Variants in CALD1 observed in about 807,000 individuals in gnomAD.
CALD1 encodes the protein caldesmon.
In CALD1, 33 loss-of-function variants were observed where a neutral mutation model predicts 99.9. The observed-to-expected ratio is 0.33, with a 90% CI of 0.25 to 0.44. The LOEUF is 0.44. CALD1 is among the 20% of genes least tolerant of loss of function. The pLI is 1.00. For synonymous variants in CALD1, 310 were observed against 325.0 expected (o/e 0.95, Z 0.50); for missense variants, 861 against 962.1 (o/e 0.89, Z 1.39).
chr7:134,737,209 T>C, the CALD1 span, among the ~76,000 whole-genome samples: 1 of 152,164 alleles, frequency 6.6e-6, no homozygotes, highest in Non-Finnish European at 1.5e-5. Flanking sequence ...ATTGCAGCCT[T>C]GACCTCCTGA....
chr7:134,816,312 G>A (rs1936493926), intron 1 of CALD1, among the ~76,000 whole-genome samples: 1 of 152,170 alleles, frequency 6.6e-6, no homozygotes, highest in African/African-American at 2.4e-5. Context: ...GAGGAACACA[G>A]GGGCCATGTC....
chr7:134,878,848 G>A (rs1249154347), intron 3 of CALD1, among the ~76,000 whole-genome samples: 3 of 151,806 alleles, frequency 2.0e-5, no homozygotes, highest in Non-Finnish European at 4.4e-5. Flanking sequence ...TGTGCCTGTA[G>A]TACCAGCTAC....
intron 1 of CALD1, among the ~76,000 whole-genome samples, chr7:134,762,599 C>G (rs1796789076): frequency 1.3e-5 from 2 of 152,164 alleles, no homozygotes; most frequent in African/African-American, 4.8e-5. Flanking sequence ...GGGGAGGTTT[C>G]AGGAAACTTA....
At chr7:134,868,888 A>G (rs1197197324) in intron 3 of CALD1, among the ~76,000 whole-genome samples, 1 of 152,220 alleles carries the variant, frequency 6.6e-6, no homozygotes, top group East Asian at 1.9e-4. Flanking sequence ...TAGTTGCCTT[A>G]TATATAAAAC....
At chr7:134,739,132 T>C in the CALD1 span, among the ~76,000 whole-genome samples, 1 of 152,152 alleles carries the variant, frequency 6.6e-6, no homozygotes, top group Non-Finnish European at 1.5e-5. Flanking sequence ...GAGCTTTACT[T>C]TGAATGGTTT....
At chr7:134,837,682 A>T (rs138061203) in intron 1 of CALD1, among the ~76,000 whole-genome samples, 69 of 152,334 alleles carry the variant, frequency 4.5e-4, no homozygotes, top group African/African-American at 1.6e-3. Context: ...GATATATGCC[A>T]GAGAACATGC....
intron 1 of CALD1, among the ~76,000 whole-genome samples, chr7:134,750,296 A>G (rs1179495675): frequency 6.6e-6 from 1 of 152,024 alleles, no homozygotes; most frequent in African/African-American, 2.4e-5. Flanking sequence ...AGAGCCTAAC[A>G]GGGTGTCTGC....
intron 1 of CALD1, among the ~76,000 whole-genome samples, chr7:134,780,879 T>C (rs1797079921): frequency 6.6e-6 from 1 of 152,196 alleles, no homozygotes; most frequent in Non-Finnish European, 1.5e-5. Flanking sequence ...GCAAGCAGGG[T>C]AAATCTGATG....
chr7:134,956,654 T>C (rs949332907), intron 9 of CALD1, among the ~76,000 whole-genome samples: 2 of 152,192 alleles, frequency 1.3e-5, no homozygotes, highest in Non-Finnish European at 2.9e-5. Context: ...TCTATGGTAA[T>C]TTCTCACATT....
chr7:134,908,887 AAACTC>A (rs1803592563), intron 3 of CALD1, among the ~76,000 whole-genome samples: 1 of 152,182 alleles, frequency 6.6e-6, no homozygotes, highest in South Asian at 2.1e-4. Context: ...CGGTTGTTTA[AAACTC>A]AACAGTAGAG....
upstream of CALD1, among the ~76,000 whole-genome samples, chr7:134,743,184 G>C (rs1215698858): frequency 6.6e-6 from 1 of 152,184 alleles, no homozygotes; most frequent in African/African-American, 2.4e-5. Context: ...CAGCCCCCTT[G>C]GCCCTGGCTT....
chr7:134,868,638 A>G (rs530998623), intron 3 of CALD1, among the ~76,000 whole-genome samples: 1 of 152,360 alleles, frequency 6.6e-6, no homozygotes, highest in African/African-American at 2.4e-5. Context: ...ACAAAACTGG[A>G]AACTTACACC....
At chr7:134,903,645 G>C (rs1040259889) in intron 3 of CALD1, among the ~76,000 whole-genome samples, 4 of 152,014 alleles carry the variant, frequency 2.6e-5, no homozygotes, top group African/African-American at 9.7e-5. Context: ...GTCTCCCTGT[G>C]TCTCTTCTTA....
chr7:134,898,270 C>T (rs1385713362), intron 3 of CALD1, among the ~76,000 whole-genome samples: 1 of 152,146 alleles, frequency 6.6e-6, no homozygotes, highest in Admixed American at 6.5e-5. Flanking sequence ...CAAGAACATC[C>T]AGTATAATAA....
At chr7:134,903,470 T>C (rs1803139015) in intron 3 of CALD1, among the ~76,000 whole-genome samples, 1 of 152,102 alleles carries the variant, frequency 6.6e-6, no homozygotes, top group Non-Finnish European at 1.5e-5. Context: ...AAATAAAATC[T>C]TTAAAAATAA....
At chr7:134,903,232 C>T (rs527996287) in intron 3 of CALD1, among the ~76,000 whole-genome samples, 1 of 152,198 alleles carries the variant, frequency 6.6e-6, no homozygotes, top group African/African-American at 2.4e-5. Context: ...TATGACACTA[C>T]ATTTGTCCAA....
At chr7:134,866,911 G>A (rs1800825666) in intron 2 of CALD1, 1 of 152,102 alleles carries the variant, frequency 6.6e-6, no homozygotes, top group Admixed American at 6.6e-5. Flanking sequence ...TAGTCATTTT[G>A]GGTTTGGGGG....
intron 2 of CALD1, among the ~76,000 whole-genome samples, chr7:134,845,596 G>A (rs538513940): frequency 6.6e-6 from 1 of 152,334 alleles, no homozygotes; most frequent in East Asian, 1.9e-4. Context: ...TTTGAAGCCT[G>A]TGGGACATGC....
At chr7:134,728,183 C>A in the CALD1 span, among the ~76,000 whole-genome samples, 2 of 46,988 alleles carry the variant, frequency 4.3e-5, no homozygotes, top group Non-Finnish European at 7.7e-5. Flanking sequence ...GCCTGACCAA[C>A]CTGCTTCCTG....
Sources: allele counts gnomAD v4.1 joint callset (sites outside exome capture counted in the v4.1 genomes callset), GRCh38; gene constraint gnomAD v4.1.1; transcripts MANE v1.5; gene names NCBI Gene and HGNC (gene_info 2026-07-23, HGNC 2026-07-21).